The following SLC36A4 variants were observed in gnomAD, a reference collection of about 807,000 sequenced individuals.
SLC36A4 encodes the protein solute carrier family 36 member 4, also known as neutral amino acid uniporter 4.
SLC36A4 carries 49 observed loss-of-function variants against 50.5 expected under a neutral mutation model. The observed-to-expected ratio is 0.97, with a 90% CI of 0.77 to 1.23. The LOEUF (loss-of-function observed/expected upper bound fraction) is 1.23. SLC36A4 is among the 50% of genes most tolerant of loss of function. SLC36A4 has a pLI of 0.00. For synonymous variants in SLC36A4, 207 were observed against 206.5 expected (o/e 1.00, Z -0.02); for missense variants, 611 against 608.4 (o/e 1.00, Z -0.05).
At chr11:93,190,780 T>C (rs1158774304) in intron 1 of SLC36A4, among the ~76,000 whole-genome samples, 1 of 152,210 alleles carries the variant, frequency 6.6e-6, no homozygotes, top group Non-Finnish European at 1.5e-5. Flanking sequence ...TCACCCAGGC[T>C]GGAGTGCAAG....
chr11:93,180,385 A>G (rs1861684281), intron 6 of SLC36A4: 23 of 909,164 alleles, frequency 2.5e-5, no homozygotes, highest in Non-Finnish European at 2.6e-5. Context: ...CACAATGGCT[A>G]TAATTACCAG....
Position 93,144,580 on chromosome 11 carries a change from T to A in SLC36A4, c.*3957A>T, listed in dbSNP as rs1168374239. 1 of 152,054 alleles carries A rather than the reference T, an allele frequency of 6.6e-6. No homozygotes were observed. Among genetic ancestry groups the A allele is most frequent in the Non-Finnish European group, 1.5e-5 (1 of 67,966 alleles). The allele number at this position is 152,054 out of a possible 1,614,324, so 9.4% of individuals were successfully genotyped here. A position where few individuals can be genotyped will look rare whatever the true frequency, so the allele number is the denominator to read the frequency against. On this transcript the variant is annotated 3_prime_UTR_variant, in exon 11 of 11. Transcript: ENST00000326402. ...ATGAAATTTTAAGAATCAAGAGTGA[T>A]TTGCTATTTCACTTATCATAGGGCA... is the stretch of plus-strand genomic sequence containing the variant.
At chr11:93,189,663 G>T (rs967502625) in intron 1 of SLC36A4, among the ~76,000 whole-genome samples, 1 of 152,056 alleles carries the variant, frequency 6.6e-6, no homozygotes, top group Non-Finnish European at 1.5e-5. Flanking sequence ...AGTATGTTCT[G>T]TGCTGTACTA....
chr11:93,181,894 G>A (rs2134693078), intron 4 of SLC36A4, 108 bp from the exon 5 acceptor site: 2 of 912,954 alleles, frequency 2.2e-6, no homozygotes, highest in East Asian at 6.1e-5. Flanking sequence ...ATAAATGCAA[G>A]GCTATGAACT....
At chr11:93,169,004 T>C (rs527633381) in intron 6 of SLC36A4, among the ~76,000 whole-genome samples, 1 of 152,198 alleles carries the variant, frequency 6.6e-6, no homozygotes, top group African/African-American at 2.4e-5. Flanking sequence ...TTATAGCAGA[T>C]GCAGATAATA....
chr11:93,160,005 C>T (rs1860546633), intron 9 of SLC36A4: 4 of 985,252 alleles, frequency 4.1e-6, no homozygotes, highest in South Asian at 4.7e-5. Context: ...CTCTAACTTT[C>T]GAGGCCTCTT....
intron 3 of SLC36A4, 97 bp from the exon 4 acceptor site, chr11:93,182,991 A>T: frequency 1.2e-6 from 1 of 816,528 alleles, no homozygotes; most frequent in Non-Finnish European, 1.9e-6. Context: ...GCAGTGAATA[A>T]ATATTTGTTG....
intron 6 of SLC36A4, among the ~76,000 whole-genome samples, chr11:93,177,450 C>G (rs1861530926): frequency 6.6e-6 from 1 of 152,214 alleles, no homozygotes; most frequent in Non-Finnish European, 1.5e-5. Context: ...GCCTTCTTCT[C>G]TCAACTCGTC....
chr11:93,171,177 C>T (rs1333445052), intron 6 of SLC36A4: 3 of 151,614 alleles, frequency 2.0e-5, no homozygotes, highest in Admixed American at 6.6e-5. Flanking sequence ...ACCTTTCTAT[C>T]TACAGCAGGC....
At position 93,162,873 on chromosome 11, in the gene SLC36A4, G is replaced by A; in HGVS notation, c.870C>T (p.Val290=). The change falls in exon 9 of 11, where the codon GTC becomes GTT. Residue 290 remains valine (V), a splice_region_variant and synonymous_variant. Coordinates refer to ENST00000326402, the MANE Select transcript of SLC36A4 (RefSeq NM_152313.4). ...CTTTCATTTGGTTTTCCAGTGGAAG[G>A]ACCTAAGAAAAGAATACAATACTTT... ...AVFAFEGIGV[V]LPLENQMKES... The A allele has an allele frequency of 1.9e-6, 3 of 1,611,502 alleles. No homozygotes were observed. The highest frequency in any genetic ancestry group is 2.2e-5 in the South Asian group (2 of 90,758).
At chr11:93,168,231 T>C (rs1228485191) in intron 6 of SLC36A4, 60 bp from the exon 7 acceptor site, 1 of 968,766 alleles carries the variant, frequency 1.0e-6, no homozygotes, top group Non-Finnish European at 1.6e-6. Flanking sequence ...CTTACAATCA[T>C]AAAACACATG....
chr11:93,178,584 G>T (rs553997700), intron 6 of SLC36A4, among the ~76,000 whole-genome samples: 12 of 152,244 alleles, frequency 7.9e-5, no homozygotes, highest in South Asian at 2.1e-4. Context: ...TTAAGTTCTT[G>T]ATTTGATTCT....
At chr11:93,180,554 A>C (rs1861690792) in intron 6 of SLC36A4, among the ~76,000 whole-genome samples, 1 of 151,562 alleles carries the variant, frequency 6.6e-6, no homozygotes, top group Admixed American at 6.6e-5. Context: ...AGAATCAGTA[A>C]ATTATGTCAT....
Position 93,148,285 on chromosome 11 carries a change from ATTTT to A in SLC36A4, c.*248_*251del, listed in dbSNP as rs1565211798. On this transcript the variant is annotated 3_prime_UTR_variant, in exon 11 of 11. Transcript: ENST00000326402. ...ATAATAGAAGTATTTTTATTCTTTA[ATTTT>A]TTTACATTTTAATTTTTTCAATTTT... The A allele has an allele frequency of 3.4e-6, 1 of 297,514 alleles. No individual in the cohort carries two copies. The highest frequency in any genetic ancestry group is 9.9e-4 in the Middle Eastern group (1 of 1,010). The allele number at this position is 297,514 out of a possible 1,614,324, so 18.4% of individuals were successfully genotyped here.
intron 9 of SLC36A4, among the ~76,000 whole-genome samples, chr11:93,156,417 CT>C (rs932240698): frequency 1.5e-4 from 22 of 148,122 alleles, no homozygotes; most frequent in East Asian, 2.0e-4. Context: ...CCTTTGCCCA[CT>C]TTTTTTTTTC....
At chr11:93,189,513 A>G (rs1862125391) in intron 1 of SLC36A4, among the ~76,000 whole-genome samples, 1 of 152,230 alleles carries the variant, frequency 6.6e-6, no homozygotes, top group African/African-American at 2.4e-5. Context: ...TTCAGTTTCA[A>G]CCATCAGTAT....
chr11:93,173,206 G>A (rs1265038715), intron 6 of SLC36A4, among the ~76,000 whole-genome samples: 43 of 149,190 alleles, frequency 2.9e-4, no homozygotes, highest in Non-Finnish European at 1.8e-4. Flanking sequence ...GTGATGATGA[G>A]CATTTTTTCA....
intron 3 of SLC36A4, among the ~76,000 whole-genome samples, chr11:93,183,993 C>T (rs933676892): frequency 2.6e-5 from 4 of 152,084 alleles, no homozygotes; most frequent in African/African-American, 7.2e-5. Context: ...CTACCGCACC[C>T]GGCCAACTTT....
chr11:93,148,652 C>T lies in SLC36A4; in HGVS notation c.1400G>A (p.Gly467Asp). The T allele has an allele frequency of 1.9e-6, 3 of 1,612,698 alleles. No homozygotes were observed. Among genetic ancestry groups the T allele is most frequent in the East Asian group, 2.2e-5 (1 of 44,806 alleles). Residue 467 changes from glycine (G) to aspartate (D), a missense_variant, in exon 11 of 11, where the codon GGT becomes GAT. Gly to Asp is a moderately conservative substitution (Grantham distance 94). Transcript: ENST00000326402. ...AATTTCTTCAACAGTTATATATGTA[C>T]CTAATAAGAAGCCAACAACTCCAGT... ...AFTGVVGFLL[G>D]TYITVEEIIY...
Sources: gnomAD v4.1 joint callset for allele counts (sites outside exome capture counted in the v4.1 genomes callset) on GRCh38, gnomAD v4.1.1 for gene constraint, MANE v1.5 for transcripts, NCBI Gene and HGNC (gene_info 2026-07-23, HGNC 2026-07-21) for gene names.